The following NEK9 variants were observed in gnomAD, a reference collection of about 807,000 sequenced individuals.
NEK9 encodes NIMA related kinase 9.
NEK9 carries 75 observed loss-of-function variants against 123.4 expected under a neutral mutation model. The ratio of observed to expected loss-of-function variants is 0.61; its 90% CI spans 0.50 to 0.74. The LOEUF is 0.74. Ranked by LOEUF, NEK9 falls within the 30% of genes least tolerant of loss-of-function variation. NEK9 has a pLI of 0.00. For synonymous variants in NEK9, 438 were observed against 458.7 expected (o/e 0.95, Z 0.58); for missense variants, 952 against 1,214.4 (o/e 0.78, Z 3.21).
At chr14:75,106,073 T>C (rs61980808) in intron 12 of NEK9, 77 bp from the exon 13 acceptor site, 19 of 1,364,806 alleles carry the variant, frequency 1.4e-5, no homozygotes, top group African/African-American at 4.3e-5. Context: ...AGATTCTCTT[T>C]TGCCAGGTGC....
At chr14:75,104,468 GACT>G (rs1480134958) in intron 13 of NEK9, among the ~76,000 whole-genome samples, 2 of 146,844 alleles carry the variant, frequency 1.4e-5, no homozygotes, top group Non-Finnish European at 3.0e-5. Flanking sequence ...GCCTGGCTGA[GACT>G]ACTATTTTCT....
chr14:75,091,547 C>G, intron 18 of NEK9, 69 bp from the exon 19 acceptor site: 2 of 1,320,296 alleles, frequency 1.5e-6, no homozygotes, highest in South Asian at 1.7e-5. Flanking sequence ...ATTTGACAAC[C>G]CTACTTACCC....
At chr14:75,110,485 C>T (rs1354391281) in intron 8 of NEK9, 114 bp from the exon 9 acceptor site, 16 of 739,058 alleles carry the variant, frequency 2.2e-5, no homozygotes, top group Non-Finnish European at 3.6e-5. Context: ...ATGCATCCTA[C>T]AACATCACAA....
At position 75,106,228 on chromosome 14, in the gene NEK9, G is replaced by T. The variant is rs1208743378; in HGVS notation, c.1529-232C>A. The T allele has an allele frequency of 3.2e-5, 19 of 593,850 alleles. No individual in the cohort carries two copies. In the East Asian group the frequency reaches 5.1e-4, roughly 16 times the overall value. 36.8% of individuals were successfully genotyped at this position (593,850 alleles called of 1,614,324 possible). ...CAAAAAATTAGCTGGGTGTGATGGT[G>T]TGTGCCTGTAATCCCAGCTACTCGG... On this transcript the variant is annotated intron_variant, in intron 12 of 21. Coordinates refer to ENST00000238616, the MANE Select transcript of NEK9 (RefSeq NM_033116.6).
intron 2 of NEK9, among the ~76,000 whole-genome samples, chr14:75,123,590 T>C (rs1197505532): frequency 6.6e-6 from 1 of 152,092 alleles, no homozygotes; most frequent in Non-Finnish European, 1.5e-5. Flanking sequence ...ACCAGATAAA[T>C]AGGGCCATGC....
rs560226837 is a variant in NEK9, at chr14:75,079,996, T to C, written c.*4568A>G. 6.6e-6 allele frequency: 1 copy of C among 152,356 alleles called. No individual in the cohort carries two copies. Among genetic ancestry groups the C allele is most frequent in the Non-Finnish European group, 1.5e-5 (1 of 68,038 alleles). The allele number at this position is 152,356 out of a possible 1,614,324, so 9.4% of individuals were successfully genotyped here. A position where few individuals can be genotyped will look rare whatever the true frequency, so the allele number is the denominator to read the frequency against. ...AAAACAATAGTCAATGCCTTAAGTGTTCCCTTTAATCTCTACATGTTTAGG... is the reference window on the plus strand; with the variant it reads ...AAAACAATAGTCAATGCCTTAAGTGCTCCCTTTAATCTCTACATGTTTAGG... On this transcript the variant is annotated 3_prime_UTR_variant, in exon 22 of 22. Transcript: ENST00000238616.
intron 21 of NEK9, among the ~76,000 whole-genome samples, chr14:75,085,660 CTAGAATGTGG>C (rs1477542862): frequency 6.6e-6 from 1 of 152,238 alleles, no homozygotes; most frequent in African/African-American, 2.4e-5. Flanking sequence ...CAAGACAAAT[CTAGAATGTGG>C]GACATTCTGT....
At chr14:75,097,541 A>G (rs1894429965) in intron 16 of NEK9, among the ~76,000 whole-genome samples, 1 of 152,262 alleles carries the variant, frequency 6.6e-6, no homozygotes, top group Non-Finnish European at 1.5e-5. Context: ...TCATTCAAAC[A>G]GTGACTGAAC....
chr14:75,088,433 A>G (rs1894094359), intron 20 of NEK9, 47 bp downstream of exon 20: 1 of 1,588,780 alleles, frequency 6.3e-7, no homozygotes, highest in Non-Finnish European at 8.6e-7. Flanking sequence ...CAGAGCTTGC[A>G]GTGACTGTTT....
At chr14:75,107,631 A>G in intron 10 of NEK9, 144 bp from the exon 11 acceptor site, 1 of 613,874 alleles carries the variant, frequency 1.6e-6, no homozygotes, top group Non-Finnish European at 2.6e-6. Context: ...GGCTTCCCAA[A>G]GTGCTGGGAT....
chr14:75,112,732 G>GA (rs1165053271), intron 8 of NEK9, among the ~76,000 whole-genome samples: 1 of 152,160 alleles, frequency 6.6e-6, no homozygotes, highest in Non-Finnish European at 1.5e-5. Context: ...TGAGGTGTGA[G>GA]AATCACTTGC....
At chr14:75,104,200 T>C (rs1335337265) in intron 13 of NEK9, among the ~76,000 whole-genome samples, 4 of 151,970 alleles carry the variant, frequency 2.6e-5, no homozygotes, top group African/African-American at 7.2e-5. Flanking sequence ...AGTTTCCCTC[T>C]TTTGCCCAGG....
chr14:75,120,776 T>A, intron 3 of NEK9, 196 bp from the exon 4 acceptor site: 1 of 584,898 alleles, frequency 1.7e-6, no homozygotes, highest in Middle Eastern at 4.5e-4. Context: ...AGGTTCCTCA[T>A]AAAATAGTTC....
At chr14:75,093,688 C>T (rs1894291432) in intron 18 of NEK9, among the ~76,000 whole-genome samples, 1 of 152,192 alleles carries the variant, frequency 6.6e-6, no homozygotes, top group Admixed American at 6.5e-5. Context: ...ATCTCCTGAC[C>T]TTGTGATCTG....
chr14:75,110,525 C>T (rs1364009847), intron 8 of NEK9, among the ~76,000 whole-genome samples, 154 bp from the exon 9 acceptor site: 1 of 152,148 alleles, frequency 6.6e-6, no homozygotes, highest in Non-Finnish European at 1.5e-5. Context: ...CAATACAACT[C>T]AAAACAGTTA....
At chr14:75,093,698 G>A (rs1894291821) in intron 18 of NEK9, among the ~76,000 whole-genome samples, 1 of 152,046 alleles carries the variant, frequency 6.6e-6, no homozygotes, top group Admixed American at 6.6e-5. Context: ...CTTGTGATCT[G>A]CCTGCCTTGG....
rs1895563410 is a variant in NEK9, at chr14:75,127,026, G to A, written c.-105C>T. On this transcript the variant is annotated 5_prime_UTR_variant, in exon 1 of 22. Transcript: ENST00000238616. The stretch of plus-strand genomic sequence containing the variant: ...GCCGGCCCGCGGATCCGTCAGCCCA[G>A]CAACCCCGCGAAGCTCGATGGTGGC... The A allele has an allele frequency of 7.5e-6, 7 of 939,094 alleles. No individual in the cohort carries two copies. The highest frequency in any genetic ancestry group is 3.3e-5 in the East Asian group (1 of 30,210). 58.2% of individuals were successfully genotyped at this position (939,094 alleles called of 1,614,324 possible).
In NEK9 at chr14:75,091,453, T is replaced by C; in HGVS notation, c.2259A>G (p.Gly753=). 3 of 1,600,860 alleles carry C rather than the reference T, an allele frequency of 1.9e-6. No homozygotes were observed. Among genetic ancestry groups the C allele is most frequent in the Non-Finnish European group, 2.6e-6 (3 of 1,174,348 alleles). Residue 753 remains glycine, a synonymous_variant, in exon 19 of 22, where the codon GGA becomes GGG. Coordinates refer to ENST00000238616, the MANE Select transcript of NEK9 (RefSeq NM_033116.6). The part of the protein sequence containing the change: ...GTVFQSSSPG[G]GGGGGGGEEE... The stretch of plus-strand genomic sequence containing the variant: ...CTTCACCACCGCCGCCCCCGCCGCC[T>C]CCTCCCGGGCTAGAGCTCTGAAACA...
chr14:75,092,087 C>A (rs2139726639), intron 18 of NEK9, among the ~76,000 whole-genome samples: 1 of 151,942 alleles, frequency 6.6e-6, no homozygotes, highest in East Asian at 1.9e-4. Context: ...TCAAGCAATT[C>A]TCCTGTCTCA....
Sources: gnomAD v4.1 joint callset for allele counts (sites outside exome capture counted in the v4.1 genomes callset) on GRCh38, gnomAD v4.1.1 for gene constraint, MANE v1.5 for transcripts, NCBI Gene and HGNC (gene_info 2026-07-23, HGNC 2026-07-21) for gene names.